Variants in DYSF observed in about 807,000 individuals in gnomAD.
The protein encoded by DYSF is dystrophy-associated fer-1-like 1.
DYSF carries 212 observed loss-of-function variants against 274.9 expected under a neutral mutation model. The observed-to-expected ratio is 0.77, with a 90% CI of 0.69 to 0.86. DYSF has a LOEUF of 0.86. DYSF is among the 40% of genes least tolerant of loss of function. The pLI is 0.00. For synonymous variants in DYSF, 1,091 were observed against 1,078.7 expected (o/e 1.01, Z -0.22); for missense variants, 2,666 against 2,783.2 (o/e 0.96, Z 0.95).
Position 71,679,268 on chromosome 2 carries a change from C to G in DYSF, c.6063+33C>G, listed in dbSNP as rs757700820. On this transcript the variant is annotated intron_variant, in intron 53 of 55. Coordinates refer to ENST00000410020, the MANE Select transcript of DYSF (RefSeq NM_001130987.2). ...TACTTCCTCCAGCCCCAGTGGAGGG[C>G]ATGGGGGAAGCTTCTTCCATAGAAA... is the stretch of plus-strand genomic sequence containing the variant. 2.5e-6 allele frequency: 4 copies of G among 1,598,130 alleles called. No homozygotes were observed. The Admixed American group carries it at 6.7e-5, about 27-fold the overall frequency.
At chr2:71,510,630 C>T (rs1022596982) in intron 4 of DYSF, among the ~76,000 whole-genome samples, 1 of 152,128 alleles carries the variant, frequency 6.6e-6, no homozygotes, top group Non-Finnish European at 1.5e-5. Context: ...CTGAGTATGT[C>T]GGGAGCCTTC....
intron 48 of DYSF, among the ~76,000 whole-genome samples, chr2:71,667,829 T>G (rs370873048): frequency 4.7e-4 from 72 of 152,092 alleles, no homozygotes; most frequent in Non-Finnish European, 9.3e-4. Context: ...GACTTCAGGT[T>G]GGATTCCCCC....
At chr2:71,609,952 A>G (rs2093717910) in intron 36 of DYSF, among the ~76,000 whole-genome samples, 1 of 152,236 alleles carries the variant, frequency 6.6e-6, no homozygotes, top group South Asian at 2.1e-4. Flanking sequence ...AGATTACATG[A>G]GGCAAGCTCT....
At chr2:71,543,539 G>T (rs537917248) in intron 17 of DYSF, among the ~76,000 whole-genome samples, 1 of 152,164 alleles carries the variant, frequency 6.6e-6, no homozygotes, top group Non-Finnish European at 1.5e-5. Context: ...ATAGCGAGCC[G>T]AGATCAAGCC....
chr2:71,538,144 A>C (rs1163225061), intron 16 of DYSF, among the ~76,000 whole-genome samples: 1 of 152,212 alleles, frequency 6.6e-6, no homozygotes, highest in African/African-American at 2.4e-5. Flanking sequence ...TCTCATCTGA[A>C]CTTGGGGCTA....
At chr2:71,682,413 A>G (rs2095307435) in intron 54 of DYSF, 117 bp from the exon 55 acceptor site, 3 of 1,297,088 alleles carry the variant, frequency 2.3e-6, no homozygotes, top group Non-Finnish European at 3.4e-6. Context: ...GGGCCTGGGC[A>G]GGCGCTGGGG....
chr2:71,520,872 C>A lies in DYSF; in HGVS notation c.1117C>A (p.Leu373Ile). Residue 373 changes from leucine (L) to isoleucine (I), a missense_variant, in exon 12 of 56, where the codon CTT becomes ATT. By Grantham distance (5) the Leu-to-Ile change is conservative (BLOSUM62 2). Transcript: ENST00000410020. ...AGARGYLKTS[L>I]CVLGPGDEAP... ...GGCCAGAGGCTACCTGAAAACAAGC[C>A]TTTGTGTGCTGGGGCCTGGGGACGA... The A allele has an allele frequency of 6.2e-7, 1 of 1,614,118 alleles. No homozygotes were observed. The highest frequency in any genetic ancestry group is 8.5e-7 in the Non-Finnish European group (1 of 1,180,014).
chr2:71,610,991 C>T (rs1024202430), intron 36 of DYSF: 17 of 536,116 alleles, frequency 3.2e-5, no homozygotes, highest in East Asian at 2.7e-4. Flanking sequence ...GGAGGGGTGA[C>T]GGGATTCAGT....
At chr2:71,681,189 G>C in intron 54 of DYSF, 79 bp downstream of exon 54, 1 of 1,374,572 alleles carries the variant, frequency 7.3e-7, no homozygotes, top group Admixed American at 1.9e-5. Context: ...CCCATTGCAT[G>C]GCCATGTAGA....
In DYSF at chr2:71,520,793, C is replaced by A; in HGVS notation, c.1038C>A (p.His346Gln). The A allele has an allele frequency of 6.2e-7, 1 of 1,613,766 alleles. No individual in the cohort carries two copies. Among genetic ancestry groups the A allele is most frequent in the Non-Finnish European group, 8.5e-7 (1 of 1,179,844 alleles). ...AGAGGATGTTGTCTCTCTTAGGGCA[C>A]GCCTATCTCAGGAAGTGGCTGCTGC... Reference protein sequence around the residue: ...DVGTIYREPRHAYLRKWLLLS... With the variant: ...DVGTIYREPRQAYLRKWLLLS... Residue 346 changes from histidine (H) to glutamine (Q), a missense_variant, in exon 12 of 56, where the codon CAC becomes CAA. Around this residue, in one of 3 missense-constraint regions of DYSF, gnomAD observed 794 missense variants for 777.1 expected, o/e 1.02. Coordinates refer to ENST00000410020, the MANE Select transcript of DYSF (RefSeq NM_001130987.2).
chr2:71,526,418 T>TGGGGGGGGGGGGGGTG, intron 13 of DYSF, 72 bp downstream of exon 13: 10 of 261,496 alleles, frequency 3.8e-5, no homozygotes, highest in East Asian at 1.9e-4. Flanking sequence ...GGGTGGGCGA[T>TGGGGGGGGGGGGGGTG]GGCGGGCGGG....
intron 40 of DYSF, among the ~76,000 whole-genome samples, chr2:71,620,243 CG>C (rs555168807): frequency 6.6e-6 from 1 of 152,198 alleles, no homozygotes; most frequent in South Asian, 2.1e-4. Context: ...GCCCCTTCCA[CG>C]TGCCTTGCCT....
rs768663266 is a variant in DYSF at position 71,561,773 on chromosome 2, T to C, written c.2238T>C (p.His746=). 2.5e-6 allele frequency: 4 copies of C among 1,613,948 alleles called. No homozygotes were observed. The South Asian group carries it at 3.3e-5, about 13-fold the overall frequency. ...AGCSQPLGDI[H]ETPSATHLDQ... ...ACAGCCAGCCTCTGGGTGACATCCA[T>C]GAGACACCCTCTGCCACCCACCTGG... The change falls in exon 23 of 56, where the codon CAT becomes CAC. Residue 746 remains histidine, a synonymous_variant. Transcript: ENST00000410020.
intron 4 of DYSF, among the ~76,000 whole-genome samples, chr2:71,506,823 T>C (rs1219646759): frequency 6.6e-6 from 1 of 152,012 alleles, no homozygotes; most frequent in Admixed American, 6.6e-5. Context: ...CTCCTAGTGC[T>C]GAGGTCTGTT....
rs1437571299 is a variant in DYSF, at chr2:71,598,713, A to G, written c.3724A>G (p.Ile1242Val). The change falls in exon 33 of 56, where the codon ATT becomes GTT. Residue 1242 changes from isoleucine to valine, a missense_variant. Transcript: ENST00000410020. ...CACAGTTGCTGAGCAACCGCCCAGC[A>G]TTGTGGTGGAGCTGTACGACCATGA... is the stretch of plus-strand genomic sequence containing the variant. ...PATVAEQPPSIVVELYDHDTY... is the reference protein window; with the variant it reads ...PATVAEQPPSVVVELYDHDTY... The G allele has an allele frequency of 1.2e-6, 2 of 1,613,596 alleles. No individual in the cohort carries two copies. The highest frequency in any genetic ancestry group is 1.7e-6 in the Non-Finnish European group (2 of 1,180,022).
chr2:71,612,757 C>G lies in DYSF; in HGVS notation c.4338C>G (p.Phe1446Leu). 6.2e-7 allele frequency: 1 copy of G among 1,614,170 alleles called. No individual in the cohort carries two copies. The highest frequency in any genetic ancestry group is 1.1e-5 in the South Asian group (1 of 91,090). Residue 1446 changes from phenylalanine (F) to leucine (L), a missense_variant, in exon 39 of 56, where the codon TTC becomes TTG. Around this residue, in one of 3 missense-constraint regions of DYSF, gnomAD observed 1,460 missense variants for 1,502.1 expected, o/e 0.97. Transcript: ENST00000410020. The stretch of plus-strand genomic sequence containing the variant: ...GTACCATCCGCTCCCTGGAGAGCTT[C>G]CTGTGTGACCCCTACTCGGCGGAGA... The part of the protein sequence containing the change: ...GQCTIRSLES[F>L]LCDPYSAESP...
chr2:71,664,486 C>T, intron 46 of DYSF, 48 bp downstream of exon 46: 4 of 1,606,376 alleles, frequency 2.5e-6, no homozygotes, highest in Non-Finnish European at 3.4e-6. Context: ...ACACACCACC[C>T]CTGTCTTCTC....
In DYSF at chr2:71,526,274, C is replaced by G. The variant is rs370775850; in HGVS notation, c.1204C>G (p.Arg402Gly). 1 of 1,614,246 alleles carries G rather than the reference C, an allele frequency of 6.2e-7. No homozygotes were observed. The highest frequency in any genetic ancestry group is 8.5e-7 in the Non-Finnish European group (1 of 1,180,046). The change falls in exon 13 of 56, where the codon CGG (arginine) becomes GGG (glycine). Residue 402 changes from arginine to glycine, a missense_variant. By Grantham distance (125) the Arg-to-Gly change is moderately radical. Coordinates refer to ENST00000410020, the MANE Select transcript of DYSF (RefSeq NM_001130987.2). ...DKEDIESNLL[R>G]PTGVALRGAH... ...GGAGGACATTGAAAGCAACCTGCTCCGGCCCACAGGCGTAGCCCTGCGAGG... is the reference window on the plus strand; with the variant it reads ...GGAGGACATTGAAAGCAACCTGCTCGGGCCCACAGGCGTAGCCCTGCGAGG...
At chr2:71,683,453 G>C (rs570041505) in intron 55 of DYSF, among the ~76,000 whole-genome samples, 1 of 152,330 alleles carries the variant, frequency 6.6e-6, no homozygotes, top group African/African-American at 2.4e-5. Flanking sequence ...TGATACTTTA[G>C]ACCTTGAAGG....
Sources: gnomAD v4.1 joint callset for allele counts (sites outside exome capture counted in the v4.1 genomes callset) on GRCh38, gnomAD v4.1.1 for gene constraint, gnomAD v4.1.1 regional missense constraint, MANE v1.5 for transcripts, NCBI Gene and HGNC (gene_info 2026-07-23, HGNC 2026-07-21) for gene names.